Variants in THTPA observed in about 807,000 individuals in gnomAD.
THTPA encodes the protein thiamine triphosphatase.
THTPA carries 16 observed loss-of-function variants against 16.5 expected under a neutral mutation model. That is an observed-to-expected ratio of 0.97 (90% CI 0.66 to 1.47). The LOEUF (loss-of-function observed/expected upper bound fraction) is 1.47, where lower values mean the gene tolerates loss of function less well. Among genes scored for constraint, THTPA ranks in the 40% most tolerant of loss-of-function variants. The pLI, the probability that THTPA is intolerant of heterozygous loss-of-function variation, is 0.00. For synonymous variants in THTPA, 110 were observed against 115.5 expected (o/e 0.95, Z 0.30); for missense variants, 281 against 280.9 (o/e 1.00, Z 0.00).
chr14:23,539,124 C>CT, the THTPA span, among the ~76,000 whole-genome samples: 1 of 152,096 alleles, frequency 6.6e-6, no homozygotes, highest in Admixed American at 6.5e-5. Context: ...TATCCTCCTC[C>CT]CCTAATGCAC....
At chr14:23,558,361 T>C (rs974515414) in intron 1 of THTPA, among the ~76,000 whole-genome samples, 2 of 152,240 alleles carry the variant, frequency 1.3e-5, no homozygotes, top group African/African-American at 4.8e-5. Context: ...TTAATCTTGA[T>C]TGCGGAACAG....
At chr14:23,548,876 G>C in the THTPA span, among the ~76,000 whole-genome samples, 6 of 152,184 alleles carry the variant, frequency 3.9e-5, no homozygotes, top group African/African-American at 1.4e-4. Flanking sequence ...CGCTCTCTTC[G>C]CATCAGTCAC....
the THTPA span, chr14:23,531,119 C>G: frequency 5.6e-6 from 1 of 178,688 alleles, no homozygotes; most frequent in Admixed American, 6.2e-5. Context: ...CCAAGAAGCC[C>G]TGGCCCAGCA....
the THTPA span, chr14:23,525,151 G>C: frequency 6.5e-7 from 1 of 1,536,160 alleles, no homozygotes. The surrounding 1 kb of genome is among the most constrained non-coding windows in gnomAD (Gnocchi z 5.9). Context: ...TGGTTCTGGA[G>C]AACCGGCGGC....
chr14:23,517,577 C>G, the THTPA span, among the ~76,000 whole-genome samples: 1 of 152,224 alleles, frequency 6.6e-6, no homozygotes, highest in African/African-American at 2.4e-5. Context: ...GAAGTTTACC[C>G]TGTTTTTCAT....
the THTPA span, chr14:23,523,981 G>A: frequency 6.5e-7 from 1 of 1,528,080 alleles, no homozygotes; most frequent in South Asian, 1.2e-5. This position sits in a 1 kb window ranked among gnomAD's most constrained non-coding sequence, Gnocchi z 4.1. Flanking sequence ...TTGGGGTGGT[G>A]GCCTCTTTCC....
the THTPA span, chr14:23,537,939 G>C: frequency 6.6e-6 from 1 of 152,504 alleles, no homozygotes; most frequent in Non-Finnish European, 1.5e-5. Context: ...ACAGGTGCGT[G>C]CTCTCTCCCA....
At chr14:23,550,922 T>A in the THTPA span, among the ~76,000 whole-genome samples, 6 of 151,186 alleles carry the variant, frequency 4.0e-5, no homozygotes, top group East Asian at 9.8e-4. Context: ...CCCAGGACCC[T>A]CCAGGCTGAC....
chr14:23,556,617 A>C lies in THTPA; in HGVS notation c.-141A>C. 2.5e-5 allele frequency: 21 copies of C among 836,190 alleles called. No individual in the cohort carries two copies. Among genetic ancestry groups the C allele is most frequent in the Non-Finnish European group, 3.8e-5 (21 of 548,856 alleles). The allele number at this position is 836,190 out of a possible 1,614,324, so 51.8% of individuals were successfully genotyped here. On this transcript the variant is annotated 5_prime_UTR_variant, in exon 1 of 2. Coordinates refer to ENST00000288014, the MANE Select transcript of THTPA (RefSeq NM_024328.6). ...GTAGAGAGAAAAGGGCAGTAGCCCT[A>C]GAGACTATTGCGACACAGTGTGCCC...
the THTPA span, chr14:23,533,632 G>T: frequency 2.6e-6 from 4 of 1,536,934 alleles, no homozygotes; most frequent in Non-Finnish European, 3.5e-6. The surrounding 1 kb of genome is among the most constrained non-coding windows in gnomAD (Gnocchi z 4.8). Context: ...GGATGATTTG[G>T]TCTTAGGCTC....
chr14:23,515,218 G>T, the THTPA span, among the ~76,000 whole-genome samples: 1 of 152,226 alleles, frequency 6.6e-6, no homozygotes, highest in Non-Finnish European at 1.5e-5. Flanking sequence ...TTGCTCTTGG[G>T]TGATGGGGTG....
At chr14:23,512,079 C>G in the THTPA span, among the ~76,000 whole-genome samples, 1 of 152,152 alleles carries the variant, frequency 6.6e-6, no homozygotes, top group African/African-American at 2.4e-5. Context: ...TTCACATCCC[C>G]TCTGCACCCC....
the THTPA span, among the ~76,000 whole-genome samples, chr14:23,514,900 A>G: frequency 2.0e-5 from 3 of 152,082 alleles, no homozygotes; most frequent in African/African-American, 7.2e-5. Context: ...CTTCCTCCCA[A>G]CTAGATATCC....
chr14:23,530,111 A>G, the THTPA span: 1 of 1,535,836 alleles, frequency 6.5e-7, no homozygotes, highest in Admixed American at 2.0e-5. Context: ...GAAGGGAGGG[A>G]AAACTCACCC....
chr14:23,546,597 C>T, the THTPA span, among the ~76,000 whole-genome samples: 1 of 152,120 alleles, frequency 6.6e-6, no homozygotes, highest in Non-Finnish European at 1.5e-5. The surrounding 1 kb of genome is among the most constrained non-coding windows in gnomAD (Gnocchi z 4.7). Flanking sequence ...AAATCTTTCA[C>T]CCCTGCCTTG....
chr14:23,537,531 C>T, the THTPA span, among the ~76,000 whole-genome samples: 1 of 152,158 alleles, frequency 6.6e-6, no homozygotes, highest in Non-Finnish European at 1.5e-5. Flanking sequence ...CTTCCCTCCT[C>T]CTGGGGTTCT....
chr14:23,522,095 C>T, the THTPA span: 3,664 of 1,535,628 alleles, frequency 2.4e-3, 7 homozygotes, highest in Non-Finnish European at 3.0e-3. Context: ...GATGGGTGGG[C>T]CCCCTTGAGG....
At chr14:23,517,725 G>A in the THTPA span, among the ~76,000 whole-genome samples, 53 of 152,094 alleles carry the variant, frequency 3.5e-4, no homozygotes, top group African/African-American at 1.2e-3. Flanking sequence ...TTGTGACTGC[G>A]AGGAGGGGAG....
chr14:23,559,030 C>A lies in THTPA; in HGVS notation c.*190C>A. 3.0e-6 allele frequency: 2 copies of A among 666,318 alleles called. No homozygotes were observed. Among genetic ancestry groups the A allele is most frequent in the Non-Finnish European group, 5.0e-6 (2 of 402,750 alleles). 41.3% of individuals were successfully genotyped at this position (666,318 alleles called of 1,614,324 possible). ...TGGCTGCTTCCTCTCGCTCATCCGT[C>A]AGATGCAATCTGTGGGCCGCCCCTC... On this transcript the variant is annotated 3_prime_UTR_variant, in exon 2 of 2. Coordinates refer to ENST00000288014, the MANE Select transcript of THTPA (RefSeq NM_024328.6).
Sources: gnomAD v4.1 joint callset for allele counts (sites outside exome capture counted in the v4.1 genomes callset) on GRCh38, gnomAD v4.1.1 for gene constraint, Gnocchi (gnomAD v3.1) non-coding constraint, MANE v1.5 for transcripts, NCBI Gene and HGNC (gene_info 2026-07-23, HGNC 2026-07-21) for gene names.